Variants in NKAIN3 observed in about 807,000 individuals in gnomAD.
NKAIN3 encodes sodium/potassium transporting ATPase interacting 3.
In NKAIN3, 25 loss-of-function variants were observed where a neutral mutation model predicts 30.2. The observed-to-expected ratio is 0.83, with a 90% CI of 0.60 to 1.16. The LOEUF (loss-of-function observed/expected upper bound fraction) is 1.16, where lower values mean the gene tolerates loss of function less well. NKAIN3 is among the 50% of genes most tolerant of loss of function. NKAIN3 has a pLI of 0.00. For missense variants in NKAIN3, 225 were observed against 254.1 expected, an observed-to-expected ratio of 0.89 and a Z score of 0.78; for synonymous variants, 91 against 89.6, an observed-to-expected ratio of 1.02 and a Z score of -0.09.
At chr8:62,339,468 C>T (rs961851692) in intron 1 of NKAIN3, among the ~76,000 whole-genome samples, 1 of 151,772 alleles carries the variant, frequency 6.6e-6, no homozygotes. Flanking sequence ...TTTGAACGTC[C>T]GGGGATAAAA....
intron 1 of NKAIN3, among the ~76,000 whole-genome samples, chr8:62,452,281 G>C (rs779710035): frequency 1.3e-5 from 2 of 152,086 alleles, no homozygotes; most frequent in Non-Finnish European, 2.9e-5. Flanking sequence ...TTTGAGACCA[G>C]CCTGGCCAAC....
chr8:62,903,197 T>C (rs528300861), intron 4 of NKAIN3, among the ~76,000 whole-genome samples: 4 of 152,346 alleles, frequency 2.6e-5, no homozygotes, highest in African/African-American at 9.6e-5. Flanking sequence ...ATTTCCATAT[T>C]CATTGATTCA....
At chr8:62,829,616 TC>T (rs1459456412) in intron 4 of NKAIN3, among the ~76,000 whole-genome samples, 1 of 152,130 alleles carries the variant, frequency 6.6e-6, no homozygotes, top group Admixed American at 6.6e-5. Context: ...AACAGACATA[TC>T]ATATTAATAG....
intron 1 of NKAIN3, among the ~76,000 whole-genome samples, chr8:62,474,697 A>G (rs1284757900): frequency 6.6e-6 from 1 of 152,236 alleles, no homozygotes; most frequent in Non-Finnish European, 1.5e-5. Context: ...AAGGTTAAAT[A>G]AAAACATTTT....
intron 3 of NKAIN3, among the ~76,000 whole-genome samples, chr8:62,734,389 A>T (rs1435706648): frequency 2.0e-5 from 3 of 152,016 alleles, no homozygotes; most frequent in Non-Finnish European, 4.4e-5. Flanking sequence ...TTTTCATATA[A>T]TTTTTTTTCC....
intron 1 of NKAIN3, chr8:62,483,013 C>A (rs768689968): frequency 6.6e-6 from 1 of 152,106 alleles, no homozygotes; most frequent in Admixed American, 6.6e-5. Flanking sequence ...GAGAAGAAAA[C>A]CCACCAGAGA....
chr8:62,301,114 A>C (rs1814034450), intron 1 of NKAIN3, among the ~76,000 whole-genome samples: 1 of 152,212 alleles, frequency 6.6e-6, no homozygotes, highest in African/African-American at 2.4e-5. Context: ...AAATTTTTGC[A>C]GTCGAATTCA....
At chr8:62,587,933 A>G (rs1236915662) in intron 2 of NKAIN3, among the ~76,000 whole-genome samples, 7 of 151,984 alleles carry the variant, frequency 4.6e-5, no homozygotes, top group Non-Finnish European at 8.8e-5. Flanking sequence ...GTGTTTTATT[A>G]TGCATTTGTT....
chr8:62,532,825 G>A (rs1344680204), intron 1 of NKAIN3, among the ~76,000 whole-genome samples: 1 of 152,172 alleles, frequency 6.6e-6, no homozygotes, highest in Non-Finnish European at 1.5e-5. Flanking sequence ...CGAGTAGTGA[G>A]ATTTGAGTGA....
At chr8:62,870,634 A>G (rs998624498) in intron 4 of NKAIN3, among the ~76,000 whole-genome samples, 1 of 81,110 alleles carries the variant, frequency 1.2e-5, no homozygotes, top group Non-Finnish European at 2.5e-5. Flanking sequence ...AATAAACTCT[A>G]TTTTATATAT....
intron 4 of NKAIN3, among the ~76,000 whole-genome samples, chr8:62,818,429 G>A (rs904875080): frequency 1.3e-5 from 2 of 152,080 alleles, no homozygotes; most frequent in Admixed American, 6.6e-5. Context: ...GCCATATAAA[G>A]TCATTTGGCC....
At chr8:62,754,403 A>G (rs546550199) in intron 4 of NKAIN3, among the ~76,000 whole-genome samples, 238 of 152,062 alleles carry the variant, frequency 1.6e-3, no homozygotes, top group Non-Finnish European at 2.2e-3. Context: ...CATATAAAGG[A>G]GCTCATTTTT....
Position 62,800,595 on chromosome 8 carries a change from G to A in NKAIN3, c.471+53466G>A, listed in dbSNP as rs140857063. 8.1e-4 allele frequency among the ~76,000 whole-genome samples: 123 copies of A among 152,218 alleles called. 1 individual carries two copies. The highest frequency in any genetic ancestry group is 2.5e-3 in the African/African-American group (102 of 41,546). On this transcript the variant is annotated intron_variant, in intron 4 of 6. Transcript: ENST00000623646. ...CTATAAATTCACTACGGAGAATTTC[G>A]GTAAAGCCATGTTTTTCTTTAAAAA...
intron 1 of NKAIN3, among the ~76,000 whole-genome samples, chr8:62,320,705 G>A (rs1814853588): frequency 6.6e-6 from 1 of 152,234 alleles, no homozygotes; most frequent in South Asian, 2.1e-4. Context: ...GAGATCAGCT[G>A]TTAGTCTGAT....
chr8:62,292,515 G>T (rs1189341795), intron 1 of NKAIN3, among the ~76,000 whole-genome samples: 2 of 152,184 alleles, frequency 1.3e-5, no homozygotes, highest in Non-Finnish European at 2.9e-5. Flanking sequence ...GGCTGGATAT[G>T]AAATTCTGGG....
intron 4 of NKAIN3, chr8:62,863,363 T>A (rs1325125890): frequency 1.3e-6 from 2 of 1,547,118 alleles, no homozygotes; most frequent in East Asian, 2.3e-5. Context: ...GCTGCCGTTC[T>A]TCTCACATAT....
intron 1 of NKAIN3, among the ~76,000 whole-genome samples, chr8:62,280,395 G>A (rs1250277099): frequency 6.6e-6 from 1 of 152,104 alleles, no homozygotes; most frequent in Non-Finnish European, 1.5e-5. Flanking sequence ...GCCCTGGCCA[G>A]ATCGTCCAAC....
chr8:62,931,439 T>C (rs1822616726), intron 5 of NKAIN3, among the ~76,000 whole-genome samples: 2 of 152,346 alleles, frequency 1.3e-5, no homozygotes, highest in African/African-American at 2.4e-5. Context: ...CCAATGATTA[T>C]AAAATTCTAA....
At chr8:62,793,579 C>T (rs1817763997) in intron 4 of NKAIN3, among the ~76,000 whole-genome samples, 1 of 152,170 alleles carries the variant, frequency 6.6e-6, no homozygotes, top group Non-Finnish European at 1.5e-5. Flanking sequence ...TCAGTAGATC[C>T]ATTACCTGTG....
Sources: gnomAD v4.1 joint callset for allele counts (sites outside exome capture counted in the v4.1 genomes callset) on GRCh38, gnomAD v4.1.1 for gene constraint, MANE v1.5 for transcripts, NCBI Gene and HGNC (gene_info 2026-07-23, HGNC 2026-07-21) for gene names.